Variants in HTR2C observed in about 807,000 individuals in gnomAD.
HTR2C encodes the protein 5-hydroxytryptamine receptor 2C.
HTR2C carries 5 observed loss-of-function variants against 21.0 expected under a neutral mutation model. The observed-to-expected ratio is 0.24, with a 90% confidence interval of 0.12 to 0.50. HTR2C has a LOEUF of 0.50. HTR2C is among the 20% of genes least tolerant of loss of function. The pLI, the probability that HTR2C is intolerant of heterozygous loss-of-function variation, is 0.98. For missense variants in HTR2C, 271 were observed against 371.2 expected (o/e 0.73, Z 2.22); for synonymous variants, 150 against 145.3 (o/e 1.03, Z -0.23).
chrX:114,621,931 A>G (rs1232909589), intron 2 of HTR2C, among the ~76,000 whole-genome samples: 4 of 111,815 alleles, frequency 3.6e-5, no homozygotes, highest in African/African-American at 1.3e-4. Context: ...TAGAACTTCA[A>G]GTCAAGAGAG....
chrX:114,848,865 C>A (rs1170975466), intron 5 of HTR2C, among the ~76,000 whole-genome samples: 1 of 111,441 alleles, frequency 9.0e-6, no homozygotes, highest in African/African-American at 3.3e-5. Context: ...AATGCCTTAA[C>A]AGTGCTAATA....
At chrX:114,723,269 T>A (rs1411887574) in intron 2 of HTR2C, among the ~76,000 whole-genome samples, 1 of 111,618 alleles carries the variant, frequency 9.0e-6, no homozygotes, top group Non-Finnish European at 1.9e-5. Flanking sequence ...GAGGAATTTA[T>A]CCATTTCTTC....
chrX:114,746,778 G>T (rs781799628), intron 4 of HTR2C, among the ~76,000 whole-genome samples: 2 of 110,767 alleles, frequency 1.8e-5, no homozygotes, highest in Non-Finnish European at 3.8e-5. Flanking sequence ...GAGGTGAGGA[G>T]ATTGAGACCA....
intron 2 of HTR2C, among the ~76,000 whole-genome samples, chrX:114,695,276 C>T (rs1244031278): frequency 8.9e-6 from 1 of 112,110 alleles, no homozygotes; most frequent in African/African-American, 3.2e-5. Context: ...GGAACAAAAA[C>T]ATAGCGTTGG....
At chrX:114,728,287 G>A (rs1450175255) in intron 3 of HTR2C, among the ~76,000 whole-genome samples, 2 of 111,216 alleles carry the variant, frequency 1.8e-5, no homozygotes, top group Admixed American at 9.6e-5. Context: ...TATGACTTTT[G>A]TATACATATT....
In HTR2C at chrX:114,584,528, T is replaced by TGCG. The variant is rs1178856725; in HGVS notation, c.-274_-272dup. Reference sequence around the variant, plus strand: ...CTCTCCCTCCGCCGAGGCGCGAGGTTGCGGCGCGCAGCGCAGCGCAGCTCA... The same window carrying TGCG: ...CTCTCCCTCCGCCGAGGCGCGAGGTTGCGGCGGCGCGCAGCGCAGCGCAGCTCA... On this transcript the variant is annotated 5_prime_UTR_variant, in exon 1 of 6. Coordinates refer to ENST00000276198, the MANE Select transcript of HTR2C (RefSeq NM_000868.4). 1.8e-5 allele frequency: 2 copies of TGCG among 112,902 alleles called. No homozygotes were observed. Among genetic ancestry groups the TGCG allele is most frequent in the Non-Finnish European group, 3.8e-5 (2 of 53,310 alleles). The allele number at this position is 112,902 out of a possible 1,213,427, so 9.3% of individuals were successfully genotyped here.
intron 4 of HTR2C, among the ~76,000 whole-genome samples, chrX:114,829,783 A>G (rs782517159): frequency 3.1e-4 from 35 of 111,439 alleles, no homozygotes; most frequent in African/African-American, 9.8e-4. Context: ...AACTCAGCTG[A>G]CTGCAGATAA....
intron 5 of HTR2C, among the ~76,000 whole-genome samples, chrX:114,861,401 C>T (rs781808468): frequency 9.0e-6 from 1 of 111,121 alleles, no homozygotes; most frequent in African/African-American, 3.3e-5. Flanking sequence ...ACATATGTGC[C>T]ACCGCTTATT....
At chrX:114,804,280 T>C (rs1448655616) in intron 4 of HTR2C, among the ~76,000 whole-genome samples, 3 of 111,884 alleles carry the variant, frequency 2.7e-5, no homozygotes, top group Admixed American at 9.6e-5. Flanking sequence ...GTAGAGGCTG[T>C]ACAATGCCGA....
intron 4 of HTR2C, among the ~76,000 whole-genome samples, chrX:114,845,800 A>G (rs2070869258): frequency 9.2e-6 from 1 of 109,096 alleles, no homozygotes; most frequent in African/African-American, 3.3e-5. Context: ...ACTTGAGCCT[A>G]TGAGTTCAAG....
intron 4 of HTR2C, among the ~76,000 whole-genome samples, chrX:114,831,526 C>T (rs2070727886): frequency 1.1e-5 from 1 of 89,917 alleles, no homozygotes; most frequent in Admixed American, 1.3e-4. Flanking sequence ...ATGTCCTTTG[C>T]CCACTTTTTG....
chrX:114,721,910 G>C (rs1933234551), intron 2 of HTR2C, among the ~76,000 whole-genome samples: 1 of 106,138 alleles, frequency 9.4e-6, no homozygotes, highest in Non-Finnish European at 2.0e-5. Flanking sequence ...ATGCTGTTTT[G>C]GTTACTGTAG....
At chrX:114,792,480 A>G (rs189655759) in intron 4 of HTR2C, among the ~76,000 whole-genome samples, 53 of 111,880 alleles carry the variant, frequency 4.7e-4, no homozygotes, top group African/African-American at 1.7e-3. Flanking sequence ...ATAGTATTCC[A>G]TGGTATATAT....
intron 1 of HTR2C, among the ~76,000 whole-genome samples, chrX:114,597,290 A>C (rs1420703233): frequency 1.8e-5 from 2 of 110,461 alleles, no homozygotes; most frequent in Middle Eastern, 4.6e-3. Flanking sequence ...TGTAAAAAAC[A>C]CATGTTAGAG....
At chrX:114,711,620 C>A (rs1932893527) in intron 2 of HTR2C, among the ~76,000 whole-genome samples, 1 of 111,709 alleles carries the variant, frequency 9.0e-6, no homozygotes, top group Admixed American at 9.6e-5. Context: ...GTGAACAATA[C>A]CTTGATGAAA....
intron 2 of HTR2C, among the ~76,000 whole-genome samples, chrX:114,706,407 A>G (rs1932769101): frequency 1.0e-5 from 1 of 96,143 alleles, no homozygotes; most frequent in Admixed American, 1.2e-4. Context: ...TGTCCTTTGT[A>G]GGGACATGGA....
At chrX:114,650,499 T>C (rs782546405) in intron 2 of HTR2C, among the ~76,000 whole-genome samples, 7 of 111,835 alleles carry the variant, frequency 6.3e-5, no homozygotes, top group Non-Finnish European at 9.4e-5. Context: ...TCTGGAACAC[T>C]AGTTTTCCAT....
At chrX:114,736,112 CAA>C (rs1238312150) in intron 4 of HTR2C, among the ~76,000 whole-genome samples, 5 of 90,934 alleles carry the variant, frequency 5.5e-5, no homozygotes. Context: ...GACTCTATTT[CAA>C]AAAAAAAAAA....
At chrX:114,794,839 G>T in intron 4 of HTR2C, among the ~76,000 whole-genome samples, 1 of 109,812 alleles carries the variant, frequency 9.1e-6, no homozygotes, top group Non-Finnish European at 1.9e-5. Context: ...ATAAACAAAC[G>T]TGTGCATGTG....
Sources: allele counts gnomAD v4.1 joint callset (sites outside exome capture counted in the v4.1 genomes callset), GRCh38; gene constraint gnomAD v4.1.1; transcripts MANE v1.5; gene names NCBI Gene and HGNC (gene_info 2026-07-23, HGNC 2026-07-21).